TG: variants seen among roughly 807,000 people sequenced by gnomAD.
The protein encoded by TG is thyroid hormones.
Under a neutral mutation model 324.7 loss-of-function variants are expected in TG, and 270 were observed. That is an observed-to-expected ratio of 0.83 (90% confidence interval 0.75 to 0.92). The LOEUF is 0.92. TG is among the 40% of genes least tolerant of loss of function. TG has a pLI of 0.00. For missense variants in TG, 3,591 were observed against 3,456.4 expected (o/e 1.04, Z -0.98); for synonymous variants, 1,401 against 1,327.0 (o/e 1.06, Z -1.21).
Position 132,893,638 on chromosome 8 carries a change from AG to A in TG, c.2762-49del. 3 of 1,611,920 alleles carry A rather than the reference AG, an allele frequency of 1.9e-6. No individual in the cohort carries two copies. The South Asian group carries it at 3.3e-5, about 18-fold the overall frequency. On this transcript the variant is annotated intron_variant, in intron 10 of 47. Transcript: ENST00000220616. ...GGCACACATGCTTCATGGGAGTCAG[AG>A]GGAAGTCCACGTGGTGAGTGAGTCC...
At position 132,898,212 on chromosome 8, in the gene TG, C is replaced by G. The variant is rs754297450; in HGVS notation, c.3183C>G (p.Gly1061=). Residue 1061 remains glycine (G), a synonymous_variant, in exon 13 of 48, where the codon GGC becomes GGG. Coordinates refer to ENST00000220616, the MANE Select transcript of TG (RefSeq NM_003235.5). ...ATGAGAAAGGAGGGTTCATCCCTGG[C>G]TCACTGACTGCCCGCTCTCTGCAGA... ...CVDEKGGFIP[G]SLTARSLQIP... 3.7e-6 allele frequency: 6 copies of G among 1,605,220 alleles called. No individual in the cohort carries two copies. In the South Asian group the frequency reaches 6.7e-5, roughly 18 times the overall value.
intron 16 of TG, among the ~76,000 whole-genome samples, chr8:132,906,033 T>C (rs2132325899): frequency 6.6e-6 from 1 of 152,296 alleles, no homozygotes; most frequent in African/African-American, 2.4e-5. Flanking sequence ...GATATTCGGC[T>C]CTGGCATAAT....
In TG at chr8:132,882,847, C is replaced by T; in HGVS notation, c.923C>T (p.Ala308Val). The change falls in exon 8 of 48, where the codon GCA becomes GTA. Residue 308 changes from alanine to valine, a missense_variant. Physicochemically the swap from Ala to Val is moderately conservative, Grantham distance 64 (BLOSUM62 0). Coordinates refer to ENST00000220616, the MANE Select transcript of TG (RefSeq NM_003235.5). ...AAATGTGAAGTGGAGCGGTTTACAGCAACCAGCTTTGGTCACCCCTATGTT... is the reference window on the plus strand; with the variant it reads ...AAATGTGAAGTGGAGCGGTTTACAGTAACCAGCTTTGGTCACCCCTATGTT... ...PTKCEVERFTATSFGHPYVPS... is the reference protein window; with the variant it reads ...PTKCEVERFTVTSFGHPYVPS... The T allele has an allele frequency of 6.2e-7, 1 of 1,614,204 alleles. No individual in the cohort carries two copies. Among genetic ancestry groups the T allele is most frequent in the South Asian group, 1.1e-5 (1 of 91,086 alleles).
At chr8:133,040,417 C>T (rs1838000010) in intron 41 of TG, 2 of 368,548 alleles carry the variant, frequency 5.4e-6, no homozygotes, top group Non-Finnish European at 1.0e-5. Flanking sequence ...TTTAGCTTTA[C>T]CCCGATAGTA....
At chr8:132,908,644 T>C (rs1819047192) in intron 18 of TG, among the ~76,000 whole-genome samples, 2 of 152,108 alleles carry the variant, frequency 1.3e-5, no homozygotes, top group Non-Finnish European at 2.9e-5. Flanking sequence ...GGCTAGAGTT[T>C]GGTTCATGAC....
intron 43 of TG, among the ~76,000 whole-genome samples, chr8:133,096,920 T>C (rs934814441): frequency 2.6e-5 from 4 of 152,236 alleles, no homozygotes; most frequent in African/African-American, 4.8e-5. Flanking sequence ...TTCAGTCTGC[T>C]TGAATGCACA....
At chr8:133,026,303 C>T (rs114781328) in intron 40 of TG, among the ~76,000 whole-genome samples, 1,981 of 152,302 alleles carry the variant, frequency 0.013, 49 homozygotes, top group African/African-American at 0.045. Flanking sequence ...CAGAGGAAAA[C>T]GAAAGCAGAA....
chr8:132,891,347 AT>A (rs1382607974), intron 10 of TG, among the ~76,000 whole-genome samples: 1 of 152,006 alleles, frequency 6.6e-6, no homozygotes, highest in African/African-American at 2.4e-5. Flanking sequence ...ACAGATTATA[AT>A]TTTTTTGAGA....
intron 20 of TG, among the ~76,000 whole-genome samples, chr8:132,917,889 A>ATTTTTTTTTTTTTTTTT (rs71299038): frequency 1.4e-5 from 2 of 138,766 alleles, no homozygotes; most frequent in Non-Finnish European, 1.5e-5. Context: ...GGTTTTTGCA[A>ATTTTTTTTTTTTTTTTT]TTTTTTTTTT....
intron 41 of TG, among the ~76,000 whole-genome samples, chr8:133,074,056 C>G (rs188491697): frequency 1.1e-4 from 16 of 152,256 alleles, no homozygotes; most frequent in Non-Finnish European, 1.5e-4. Context: ...TCTTTGACAC[C>G]AGGCTCTCTC....
intron 35 of TG, chr8:133,001,757 A>G: frequency 6.1e-6 from 6 of 985,396 alleles, no homozygotes; most frequent in Non-Finnish European, 7.2e-6. Flanking sequence ...AGTCACTTCT[A>G]TTCTGCTTAT....
Position 133,096,305 on chromosome 8 carries a change from G to T in TG, c.7504G>T (p.Val2502Leu), listed in dbSNP as rs773261263. The T allele has an allele frequency of 1.7e-5, 27 of 1,614,066 alleles. No homozygotes were observed. The South Asian group carries it at 3.0e-4, about 18-fold the overall frequency. ...CAGAGCACTGAAGAGGTCTTTATGG[G>T]TAGAGGTCGATCTGCTCATTGGGAG... ...PARALKRSLW[V>L]EVDLLIGSSQ... is the part of the protein sequence containing the mutation. The change falls in exon 43 of 48, where the codon GTA becomes TTA. Residue 2502 changes from valine (V) to leucine (L), a missense_variant. By Grantham distance (32) the Val-to-Leu change is conservative. Transcript: ENST00000220616.
chr8:133,050,885 C>G, intron 41 of TG: 1 of 1,613,766 alleles, frequency 6.2e-7, no homozygotes, highest in Non-Finnish European at 8.5e-7. Context: ...CGGGTAGTCA[C>G]TTAGCACGGC....
chr8:132,913,407 A>G (rs1819817787), intron 20 of TG, 142 bp downstream of exon 20: 5 of 839,682 alleles, frequency 6.0e-6, no homozygotes, highest in African/African-American at 3.4e-5. Flanking sequence ...GTTTTCAATC[A>G]TCTACTATGC....
At chr8:132,944,607 T>G (rs1359590857) in intron 26 of TG, among the ~76,000 whole-genome samples, 1 of 152,106 alleles carries the variant, frequency 6.6e-6, no homozygotes. Flanking sequence ...GTTCCAGTGG[T>G]CAGCAAAGGG....
intron 2 of TG, 90 bp downstream of exon 2, chr8:132,868,313 G>C: frequency 8.5e-7 from 1 of 1,178,094 alleles, no homozygotes; most frequent in Non-Finnish European, 1.2e-6. Flanking sequence ...GCTCTGCCCT[G>C]CAACTCCTTT....
chr8:132,984,654 A>G (rs1025761112), intron 35 of TG, among the ~76,000 whole-genome samples: 3 of 152,206 alleles, frequency 2.0e-5, no homozygotes, highest in African/African-American at 7.2e-5. Flanking sequence ...TGGTTTAAAA[A>G]GAAAACAGGC....
At chr8:132,958,353 A>G (rs995730245) in intron 27 of TG, among the ~76,000 whole-genome samples, 4 of 97,318 alleles carry the variant, frequency 4.1e-5, no homozygotes, top group South Asian at 8.5e-4. Context: ...CTATCTATCT[A>G]TCTGTCTATC....
In TG at chr8:133,001,624, T is replaced by C. The variant is rs888103894; in HGVS notation, c.6263-10277T>C. ...TGGTTCTCACTTGAATGATGGTCTC[T>C]GGTGAGAAAGCAGGATGTCTCAATG... On this transcript the variant is annotated intron_variant, in intron 35 of 47. Coordinates refer to ENST00000220616, the MANE Select transcript of TG (RefSeq NM_003235.5). The C allele has an allele frequency of 2.9e-5, 12 of 412,424 alleles. No individual in the cohort carries two copies. In the Admixed American group the frequency reaches 5.1e-4, roughly 18 times the overall value. 25.5% of individuals were successfully genotyped at this position (412,424 alleles called of 1,614,324 possible). A position where few individuals can be genotyped will look rare whatever the true frequency, so the allele number is the denominator to read the frequency against.
Sources: allele counts gnomAD v4.1 joint callset (sites outside exome capture counted in the v4.1 genomes callset), GRCh38; gene constraint gnomAD v4.1.1; transcripts MANE v1.5; gene names NCBI Gene and HGNC (gene_info 2026-07-23, HGNC 2026-07-21).